Variants in MYO5A observed in about 807,000 individuals in gnomAD.
MYO5A encodes unconventional myosin-Va.
MYO5A carries 98 observed loss-of-function variants against 249.7 expected under a neutral mutation model. The ratio of observed to expected loss-of-function variants is 0.39; its 90% CI spans 0.33 to 0.46. MYO5A has a LOEUF of 0.46. Ranked by LOEUF, MYO5A falls within the 20% of genes least tolerant of loss-of-function variation. The pLI is 0.98. For missense variants in MYO5A, 1,696 were observed against 2,308.8 expected (o/e 0.73, Z 5.44); for synonymous variants, 778 against 810.6 (o/e 0.96, Z 0.68).
intron 4 of MYO5A, among the ~76,000 whole-genome samples, chr15:52,418,887 T>G (rs1267460040): frequency 6.6e-6 from 1 of 152,224 alleles, no homozygotes; most frequent in African/African-American, 2.4e-5. Flanking sequence ...ATGAAATGTA[T>G]TATTTTATAG....
chr15:52,329,959 G>C (rs528468618), intron 35 of MYO5A, among the ~76,000 whole-genome samples: 1 of 136,562 alleles, frequency 7.3e-6, no homozygotes, highest in Non-Finnish European at 1.6e-5. Flanking sequence ...CTATTTTCCC[G>C]AGGCTGGCCT....
chr15:52,329,804 T>C (rs1036927641), intron 35 of MYO5A, among the ~76,000 whole-genome samples: 8 of 151,884 alleles, frequency 5.3e-5, no homozygotes, highest in African/African-American at 1.9e-4. Flanking sequence ...AGTGGTATAA[T>C]CACAGCTCAC....
At chr15:52,403,367 T>C (rs2042845965) in intron 9 of MYO5A, among the ~76,000 whole-genome samples, 1 of 152,232 alleles carries the variant, frequency 6.6e-6, no homozygotes, top group Non-Finnish European at 1.5e-5. Flanking sequence ...CTCCATATAA[T>C]GGACTATTAT....
rs923707555 is a variant in MYO5A at position 52,480,852 on chromosome 15, A to C, written c.28-47567T>G. The stretch of plus-strand genomic sequence containing the variant: ...AAGTGCCAAACCATAGCTTCCTTAC[A>C]TATAGCTAAATCCATTTACCCAAAT... On this transcript the variant is annotated intron_variant, in intron 1 of 41. Coordinates refer to ENST00000399233, the MANE Select transcript of MYO5A (RefSeq NM_001382347.1). Among the ~76,000 whole-genome samples the C allele has an allele frequency of 2.0e-5, 3 of 152,194 alleles. No individual in the cohort carries two copies. The East Asian group carries it at 5.8e-4, about 29-fold the overall frequency.
At chr15:52,331,584 A>G in intron 34 of MYO5A, 1 of 748,604 alleles carries the variant, frequency 1.3e-6, no homozygotes, top group South Asian at 6.1e-5. Context: ...AAAGCTTAAT[A>G]TTGCTGACTC....
chr15:52,490,693 G>A (rs1481505375), intron 1 of MYO5A, among the ~76,000 whole-genome samples: 2 of 152,082 alleles, frequency 1.3e-5, no homozygotes, highest in African/African-American at 4.8e-5. Flanking sequence ...AAGAGTTTTA[G>A]AGATTGGTTG....
intron 1 of MYO5A, among the ~76,000 whole-genome samples, chr15:52,450,464 C>T (rs1271087817): frequency 1.3e-5 from 2 of 151,294 alleles, no homozygotes; most frequent in East Asian, 1.9e-4. Context: ...GTCAGGAGTT[C>T]GAGACCAGCC....
chr15:52,433,566 G>A (rs1166040890), intron 1 of MYO5A, among the ~76,000 whole-genome samples: 4 of 151,232 alleles, frequency 2.6e-5, no homozygotes, highest in South Asian at 2.1e-4. Context: ...AATTACAGGC[G>A]CCTGCCACCA....
intron 1 of MYO5A, among the ~76,000 whole-genome samples, chr15:52,436,923 AT>A (rs1464306783): frequency 3.9e-5 from 6 of 152,208 alleles, no homozygotes; most frequent in Non-Finnish European, 2.9e-5. Flanking sequence ...CTTGGCCTTT[AT>A]TTCAGGCAAC....
intron 1 of MYO5A, among the ~76,000 whole-genome samples, chr15:52,435,072 T>C (rs2075632751): frequency 6.6e-6 from 1 of 152,184 alleles, no homozygotes; most frequent in Non-Finnish European, 1.5e-5. Flanking sequence ...GGCACAAAGT[T>C]CTGGAAGCTT....
Position 52,307,739 on chromosome 15 carries a change from T to C in MYO5A, c.*5957A>G, listed in dbSNP as rs972431769. 6.6e-6 allele frequency: 1 copy of C among 152,188 alleles called. No individual in the cohort carries two copies. The allele number at this position is 152,188 out of a possible 1,614,324, so 9.4% of individuals were successfully genotyped here. A position where few individuals can be genotyped will look rare whatever the true frequency, so the allele number is the denominator to read the frequency against. ...TTCAATTCCATTTTAGTTAAAAGGA[T>C]GTCCATTTCATAGTAAATTAATACA... On this transcript the variant is annotated 3_prime_UTR_variant, in exon 42 of 42. Transcript: ENST00000399233.
chr15:52,526,273 A>T (rs1245864017), intron 1 of MYO5A, among the ~76,000 whole-genome samples: 1 of 152,168 alleles, frequency 6.6e-6, no homozygotes. Flanking sequence ...TCAACCTCCC[A>T]GGCTCAAGCA....
At chr15:52,472,709 G>A (rs774126051) in intron 1 of MYO5A, among the ~76,000 whole-genome samples, 5 of 152,014 alleles carry the variant, frequency 3.3e-5, no homozygotes, top group African/African-American at 4.8e-5. Flanking sequence ...ATGACCTTAC[G>A]AAGGACATGA....
chr15:52,374,046 G>T (rs2041272279), intron 20 of MYO5A, among the ~76,000 whole-genome samples: 1 of 152,084 alleles, frequency 6.6e-6, no homozygotes, highest in Non-Finnish European at 1.5e-5. Flanking sequence ...CCCCATTAAT[G>T]CTCCTTCTAA....
chr15:52,314,157 T>C lies in MYO5A; in HGVS notation c.5456A>G (p.Glu1819Gly). 1 of 1,612,206 alleles carries C rather than the reference T, an allele frequency of 6.2e-7. No homozygotes were observed. The highest frequency in any genetic ancestry group is 2.2e-5 in the East Asian group (1 of 44,854). Residue 1819 changes from glutamate (E) to glycine (G), a missense_variant, in exon 41 of 42, where the codon GAA becomes GGA. Physicochemically the swap from Glu to Gly is moderately conservative, Grantham distance 98 (BLOSUM62 -2). Coordinates refer to ENST00000399233, the MANE Select transcript of MYO5A (RefSeq NM_001382347.1). ...NLYTPVNEFE[E>G]RVSVSFIRTI... ...ACGAATGAACGACACAGAGACTCTTTCTTCAAACTCATTAACTGGAGTATA... is the reference window on the plus strand; with the variant it reads ...ACGAATGAACGACACAGAGACTCTTCCTTCAAACTCATTAACTGGAGTATA...
intron 5 of MYO5A, among the ~76,000 whole-genome samples, chr15:52,412,551 G>A (rs1403815345): frequency 2.6e-5 from 4 of 151,976 alleles, no homozygotes; most frequent in Non-Finnish European, 5.9e-5. Flanking sequence ...GGAGCTCTAG[G>A]GTTCTTTTTA....
chr15:52,431,798 C>A (rs2075545366), intron 2 of MYO5A, among the ~76,000 whole-genome samples: 2 of 151,428 alleles, frequency 1.3e-5, no homozygotes, highest in African/African-American at 4.9e-5. Context: ...CTAGCCTGGG[C>A]AACATATTGA....
chr15:52,329,311 A>G (rs1009249039), intron 35 of MYO5A, among the ~76,000 whole-genome samples: 1 of 152,256 alleles, frequency 6.6e-6, no homozygotes, highest in Non-Finnish European at 1.5e-5. Context: ...TAATGCCAGG[A>G]ACATTCCATC....
At chr15:52,326,338 A>G (rs1303401945) in intron 36 of MYO5A, among the ~76,000 whole-genome samples, 1 of 152,242 alleles carries the variant, frequency 6.6e-6, no homozygotes, top group Non-Finnish European at 1.5e-5. Context: ...AGAAGTAGCA[A>G]AACTTATAGT....
Sources: gnomAD v4.1 joint callset for allele counts (sites outside exome capture counted in the v4.1 genomes callset) on GRCh38, gnomAD v4.1.1 for gene constraint, MANE v1.5 for transcripts, NCBI Gene and HGNC (gene_info 2026-07-23, HGNC 2026-07-21) for gene names.